The following ROR2 variants were observed in gnomAD, a reference collection of about 807,000 sequenced individuals.
ROR2 encodes the protein tyrosine-protein kinase transmembrane receptor ROR2.
A neutral mutation model predicts 74.9 loss-of-function variants in ROR2; 33 were observed. The ratio of observed to expected loss-of-function variants is 0.44; its 90% confidence interval spans 0.33 to 0.59. ROR2 has a LOEUF of 0.59. ROR2 is among the 20% of genes least tolerant of loss of function. The probability of loss-of-function intolerance (pLI) is 0.02; values close to 1 mark genes in which losing one functional copy is unlikely to be tolerated. For synonymous variants in ROR2, 586 were observed against 558.7 expected (o/e 1.05, Z -0.69); for missense variants, 1,216 against 1,313.8 (o/e 0.93, Z 1.15).
intron 1 of ROR2, among the ~76,000 whole-genome samples, chr9:91,883,905 T>A (rs1014166578): frequency 5.3e-5 from 8 of 152,058 alleles, no homozygotes; most frequent in African/African-American, 4.8e-5. Flanking sequence ...AGGGCCCCTA[T>A]CTAGCATGAG....
chr9:91,764,088 C>T (rs959328703), intron 2 of ROR2, among the ~76,000 whole-genome samples: 2 of 152,134 alleles, frequency 1.3e-5, no homozygotes, highest in African/African-American at 2.4e-5. Flanking sequence ...GTAATTCTGT[C>T]AAGTTGAGTT....
At chr9:91,775,627 G>T in intron 2 of ROR2, 114 bp downstream of exon 2, 2 of 910,846 alleles carry the variant, frequency 2.2e-6, no homozygotes, top group Non-Finnish European at 3.6e-6. Context: ...CCACCAGGGG[G>T]CACCAAGGGG....
At chr9:91,734,352 C>G (rs1480230608) in intron 5 of ROR2, among the ~76,000 whole-genome samples, 1 of 152,154 alleles carries the variant, frequency 6.6e-6, no homozygotes, top group Non-Finnish European at 1.5e-5. Flanking sequence ...GCCTGCACAC[C>G]CAGCAGAGGC....
chr9:91,832,742 A>C (rs1208222988), intron 1 of ROR2, among the ~76,000 whole-genome samples: 1 of 152,136 alleles, frequency 6.6e-6, no homozygotes, highest in Non-Finnish European at 1.5e-5. Flanking sequence ...CCTGTGACAA[A>C]TCTTTTCATA....
At chr9:91,893,523 C>T (rs530960788) in intron 1 of ROR2, among the ~76,000 whole-genome samples, 15 of 152,192 alleles carry the variant, frequency 9.9e-5, no homozygotes, top group Non-Finnish European at 1.9e-4. Flanking sequence ...ACACGCCTCA[C>T]GGCAGGCTGG....
chr9:91,862,612 T>C (rs957485336), intron 1 of ROR2, among the ~76,000 whole-genome samples: 1 of 151,650 alleles, frequency 6.6e-6, no homozygotes, highest in Non-Finnish European at 1.5e-5. Context: ...CAGTGAGCCA[T>C]GAACACACCA....
intron 1 of ROR2, among the ~76,000 whole-genome samples, chr9:91,848,259 T>C (rs1055092887): frequency 6.6e-6 from 1 of 152,184 alleles, no homozygotes; most frequent in Non-Finnish European, 1.5e-5. Flanking sequence ...TGAAGGTCAG[T>C]ATTAACAGTG....
chr9:91,772,854 G>A (rs956151325), intron 2 of ROR2, among the ~76,000 whole-genome samples: 1 of 152,112 alleles, frequency 6.6e-6, no homozygotes, highest in African/African-American at 2.4e-5. Context: ...TCTATTCTAC[G>A]CTTGAGAAGT....
At chr9:91,933,107 T>A (rs906042401) in intron 1 of ROR2, among the ~76,000 whole-genome samples, 2 of 151,980 alleles carry the variant, frequency 1.3e-5, no homozygotes, top group African/African-American at 2.4e-5. Flanking sequence ...GGTCAGAACA[T>A]CGAGACTATC....
At chr9:91,944,256 A>G (rs1225583463) in intron 1 of ROR2, among the ~76,000 whole-genome samples, 1 of 152,204 alleles carries the variant, frequency 6.6e-6, no homozygotes, top group Non-Finnish European at 1.5e-5. Flanking sequence ...CTAACCATAT[A>G]AAAGGCACAG....
chr9:91,824,941 C>T (rs1443654845), intron 1 of ROR2, among the ~76,000 whole-genome samples: 1 of 152,220 alleles, frequency 6.6e-6, no homozygotes, highest in Non-Finnish European at 1.5e-5. Flanking sequence ...AGGGCACCCC[C>T]GGCCCGCTGG....
At chr9:91,870,046 G>A (rs1829751485) in intron 1 of ROR2, among the ~76,000 whole-genome samples, 1 of 152,106 alleles carries the variant, frequency 6.6e-6, no homozygotes, top group Admixed American at 6.5e-5. Flanking sequence ...AACATCAAAT[G>A]AAGAAGATTT....
Position 91,752,924 on chromosome 9 carries a change from C to T in ROR2, c.494+3147G>A, listed in dbSNP as rs372114019. On this transcript the variant is annotated intron_variant, in intron 4 of 8. Coordinates refer to ENST00000375708, the MANE Select transcript of ROR2 (RefSeq NM_004560.4). ...AAGTTAGCACAGTAAAATGTAAATG[C>T]TAGCATCTAGCTGGTGAGTATACAG... Among the ~76,000 whole-genome samples the T allele has an allele frequency of 2.6e-5, 4 of 152,302 alleles. No homozygotes were observed. The South Asian group carries it at 6.2e-4, about 24-fold the overall frequency.
chr9:91,724,063 T>C lies in ROR2; in HGVS notation c.2431A>G (p.Met811Val), dbSNP rs560157548. The change falls in exon 9 of 9, where the codon ATG (methionine) becomes GTG (valine). Residue 811 changes from methionine (M) to valine (V), a missense_variant. Physicochemically the swap from Met to Val is conservative, Grantham distance 21 (BLOSUM62 1). Transcript: ENST00000375708. ...ACGTAGAGCTGCGGCGGGGGCACCA[T>C]GGGTCTGATCTGGCCCTTCATGGGG... ...FIPMKGQIRP[M>V]VPPPQLYVPV... The C allele has an allele frequency of 5.0e-6, 8 of 1,610,822 alleles. No individual in the cohort carries two copies. The highest frequency in any genetic ancestry group is 5.9e-6 in the Non-Finnish European group (7 of 1,179,614).
chr9:91,805,820 ATTCC>A (rs1827529007), intron 1 of ROR2, among the ~76,000 whole-genome samples: 1 of 152,216 alleles, frequency 6.6e-6, no homozygotes, highest in African/African-American at 2.4e-5. Flanking sequence ...GCGAGATTGC[ATTCC>A]TTCACCAACA....
intron 1 of ROR2, among the ~76,000 whole-genome samples, chr9:91,782,040 C>T (rs569062118): frequency 6.6e-6 from 1 of 152,370 alleles, no homozygotes; most frequent in East Asian, 1.9e-4. Context: ...TGAATTGAGG[C>T]CTTTCACAGA....
chr9:91,859,558 C>G (rs1829406023), intron 1 of ROR2, among the ~76,000 whole-genome samples: 2 of 152,068 alleles, frequency 1.3e-5, no homozygotes, highest in African/African-American at 4.8e-5. Flanking sequence ...CAGGGTGGCT[C>G]ACGCCTGTAA....
chr9:91,913,259 A>G (rs1379805778), intron 1 of ROR2, among the ~76,000 whole-genome samples: 1 of 152,232 alleles, frequency 6.6e-6, no homozygotes, highest in African/African-American at 2.4e-5. Flanking sequence ...CAGGTCAGAC[A>G]GCAGTATCTG....
At chr9:91,811,935 C>CTTAGTT (rs1385806642) in intron 1 of ROR2, among the ~76,000 whole-genome samples, 2 of 152,140 alleles carry the variant, frequency 1.3e-5, no homozygotes, top group African/African-American at 4.8e-5. Flanking sequence ...CCTTTTTACT[C>CTTAGTT]TGGTTTGGTC....
Sources: gnomAD v4.1 joint callset for allele counts (sites outside exome capture counted in the v4.1 genomes callset) on GRCh38, gnomAD v4.1.1 for gene constraint, MANE v1.5 for transcripts, NCBI Gene and HGNC (gene_info 2026-07-23, HGNC 2026-07-21) for gene names.